Variants in PIP5K1B observed in about 807,000 individuals in gnomAD.
The protein encoded by PIP5K1B is phosphatidylinositol 4-phosphate 5-kinase type-1 beta.
PIP5K1B carries 42 observed loss-of-function variants against 67.0 expected under a neutral mutation model. The ratio of observed to expected loss-of-function variants is 0.63; its 90% CI spans 0.49 to 0.81. PIP5K1B has a LOEUF of 0.81. Among genes scored for constraint, PIP5K1B ranks in the 30% least tolerant of loss-of-function variants. The probability of loss-of-function intolerance (pLI) is 0.00; values close to 1 mark genes in which losing one functional copy is unlikely to be tolerated. For missense variants in PIP5K1B, 459 were observed against 646.3 expected, an observed-to-expected ratio of 0.71 and a Z score of 3.14; for synonymous variants, 214 against 231.4, an observed-to-expected ratio of 0.92 and a Z score of 0.68.
At chr9:68,945,853 G>A (rs1387954271) in intron 14 of PIP5K1B, among the ~76,000 whole-genome samples, 1 of 152,164 alleles carries the variant, frequency 6.6e-6, no homozygotes, top group Non-Finnish European at 1.5e-5. Context: ...TGGAAATTTG[G>A]TGACATCCAT....
intron 15 of PIP5K1B, among the ~76,000 whole-genome samples, chr9:69,001,324 A>G (rs1389085759): frequency 2.0e-5 from 3 of 151,962 alleles, no homozygotes; most frequent in Non-Finnish European, 4.4e-5. Context: ...CTCCTTTTCA[A>G]ATGAAACCAG....
chr9:68,873,613 AT>A (rs58977770), intron 5 of PIP5K1B, among the ~76,000 whole-genome samples: 2 of 150,100 alleles, frequency 1.3e-5, no homozygotes, highest in East Asian at 2.0e-4. Context: ...TATTTTTCTT[AT>A]TTTTTTTTAA....
At chr9:68,877,527 A>C (rs1268842691) in intron 6 of PIP5K1B, among the ~76,000 whole-genome samples, 1 of 152,266 alleles carries the variant, frequency 6.6e-6, no homozygotes, top group East Asian at 1.9e-4. Flanking sequence ...GACTGTAGGA[A>C]GAATGCCATC....
chr9:68,800,161 G>A (rs1192010567), intron 2 of PIP5K1B, among the ~76,000 whole-genome samples: 1 of 152,216 alleles, frequency 6.6e-6, no homozygotes, highest in Non-Finnish European at 1.5e-5. Flanking sequence ...AAATAGTGAT[G>A]GTGAAGGGGC....
Position 68,805,378 on chromosome 9 carries a change from TG to T in PIP5K1B, c.-85-13082del, listed in dbSNP as rs551081911. On this transcript the variant is annotated intron_variant, in intron 2 of 15. Transcript: ENST00000265382. ...GGAGCAGGGCAATGAGGGTCCACTCTGTCCTGTGGTGCTCCTTCTGGTGAGA... is the reference window on the plus strand; with the variant it reads ...GGAGCAGGGCAATGAGGGTCCACTCTTCCTGTGGTGCTCCTTCTGGTGAGA... 2.0e-5 allele frequency among the ~76,000 whole-genome samples: 3 copies of T among 152,352 alleles called. No homozygotes were observed. In the East Asian group the frequency reaches 5.8e-4, roughly 29 times the overall value.
At chr9:68,719,525 G>T (rs947503452) in intron 1 of PIP5K1B, among the ~76,000 whole-genome samples, 5 of 152,152 alleles carry the variant, frequency 3.3e-5, no homozygotes, top group Non-Finnish European at 4.4e-5. Context: ...CATTGTATGG[G>T]AACAAAAAGA....
chr9:68,867,646 G>A (rs539230553), intron 5 of PIP5K1B, among the ~76,000 whole-genome samples: 1 of 152,320 alleles, frequency 6.6e-6, no homozygotes, highest in Non-Finnish European at 1.5e-5. Flanking sequence ...TGGTTTCACA[G>A]GTGTATATAC....
At position 68,978,885 on chromosome 9, in the gene PIP5K1B, C is replaced by T. The variant is rs142316330; in HGVS notation, c.1503-12255C>T. 3.0e-3 allele frequency among the ~76,000 whole-genome samples: 456 copies of T among 152,256 alleles called. 5 individuals are homozygous for T. Among genetic ancestry groups the T allele is most frequent in the African/African-American group, 0.011 (439 of 41,550 alleles). On this transcript the variant is annotated intron_variant, in intron 14 of 15. Transcript: ENST00000265382. ...CGTGACCCGAAGGGCTTTTCTCCTT[C>T]GTTTTTTCCTGGAAGCTTTCTACGT... is the stretch of plus-strand genomic sequence containing the variant.
At chr9:68,946,363 C>A (rs1473448781) in intron 14 of PIP5K1B, among the ~76,000 whole-genome samples, 1 of 152,050 alleles carries the variant, frequency 6.6e-6, no homozygotes, top group Non-Finnish European at 1.5e-5. Flanking sequence ...TTGAAGACGA[C>A]CTCTCCAGAC....
At chr9:68,735,316 C>CTTTTTTTTTTTTTTTTTTTTTTTT (rs558810934) in intron 1 of PIP5K1B, among the ~76,000 whole-genome samples, 10 of 29,808 alleles carry the variant, frequency 3.4e-4, no homozygotes, top group Admixed American at 5.7e-4. Flanking sequence ...CCCCTAGTGT[C>CTTTTTTTTTTTTTTTTTTTTTTTT]TTTTTTTTTT....
At chr9:68,751,349 T>G (rs189874883) in intron 2 of PIP5K1B, among the ~76,000 whole-genome samples, 1 of 152,356 alleles carries the variant, frequency 6.6e-6, no homozygotes, top group African/African-American at 2.4e-5. Context: ...AGCATACCTA[T>G]AATTATCAGC....
intron 15 of PIP5K1B, among the ~76,000 whole-genome samples, chr9:69,007,361 G>A (rs1426946807): frequency 6.6e-6 from 1 of 151,948 alleles, no homozygotes; most frequent in African/African-American, 2.4e-5. Context: ...TACAATTTTG[G>A]GGGTACTAGC....
chr9:68,979,793 T>C (rs1829809567), intron 14 of PIP5K1B, among the ~76,000 whole-genome samples: 1 of 152,192 alleles, frequency 6.6e-6, no homozygotes, highest in Non-Finnish European at 1.5e-5. Flanking sequence ...CATCGGTTGA[T>C]ACCAGGAGAG....
chr9:68,984,577 C>A (rs1313074065), intron 14 of PIP5K1B, among the ~76,000 whole-genome samples: 1 of 152,124 alleles, frequency 6.6e-6, no homozygotes, highest in Non-Finnish European at 1.5e-5. Flanking sequence ...CTCCCAAATT[C>A]TTTTATATGT....
At chr9:69,006,435 G>A (rs542406799) in intron 15 of PIP5K1B, among the ~76,000 whole-genome samples, 2 of 152,218 alleles carry the variant, frequency 1.3e-5, no homozygotes, top group African/African-American at 4.8e-5. Context: ...CACACATTCT[G>A]AGATTCCACT....
chr9:68,997,163 T>C (rs1038395199), intron 15 of PIP5K1B, among the ~76,000 whole-genome samples: 3 of 152,178 alleles, frequency 2.0e-5, no homozygotes, highest in Admixed American at 6.5e-5. Flanking sequence ...GTGAAAATGA[T>C]TGAATTAACA....
intron 15 of PIP5K1B, 67 bp from the exon 16 acceptor site, chr9:69,008,380 C>T (rs1411653017): frequency 6.9e-7 from 1 of 1,457,728 alleles, no homozygotes. Context: ...TATGTTGCGA[C>T]TCATGGGGAG....
At chr9:68,961,977 T>C (rs772310545) in intron 14 of PIP5K1B, among the ~76,000 whole-genome samples, 5 of 152,240 alleles carry the variant, frequency 3.3e-5, no homozygotes, top group Non-Finnish European at 5.9e-5. Context: ...TGCTATTTCA[T>C]GGATTCCCAA....
At chr9:68,794,961 C>T (rs973965699) in intron 2 of PIP5K1B, among the ~76,000 whole-genome samples, 1 of 152,172 alleles carries the variant, frequency 6.6e-6, no homozygotes, top group East Asian at 1.9e-4. Context: ...TATTTGTAAC[C>T]AGCAGGGAAA....
Sources: gnomAD v4.1 joint callset for allele counts (sites outside exome capture counted in the v4.1 genomes callset) on GRCh38, gnomAD v4.1.1 for gene constraint, MANE v1.5 for transcripts, NCBI Gene and HGNC (gene_info 2026-07-23, HGNC 2026-07-21) for gene names.